The following MNAT1 variants were observed in gnomAD, a reference collection of about 807,000 sequenced individuals.
MNAT1 encodes the protein MNAT1 component of CDK activating kinase, also known as CDK-activating kinase assembly factor MAT1.
MNAT1 carries 43 observed loss-of-function variants against 42.0 expected under a neutral mutation model. The observed-to-expected ratio is 1.02, with a 90% CI of 0.80 to 1.32. The LOEUF (loss-of-function observed/expected upper bound fraction) is 1.32. Among genes scored for constraint, MNAT1 ranks in the 40% most tolerant of loss-of-function variants. The pLI is 0.00. For missense variants in MNAT1, 306 were observed against 350.4 expected (o/e 0.87, Z 1.01); for synonymous variants, 118 against 120.0 (o/e 0.98, Z 0.11).
At chr14:60,912,183 C>T (rs2035386549) in intron 7 of MNAT1, among the ~76,000 whole-genome samples, 1 of 152,128 alleles carries the variant, frequency 6.6e-6, no homozygotes, top group South Asian at 2.1e-4. Context: ...GGTAGATCTT[C>T]CTCCATCCCT....
chr14:60,910,644 T>G (rs1594861067), intron 7 of MNAT1, among the ~76,000 whole-genome samples: 1 of 152,268 alleles, frequency 6.6e-6, no homozygotes, highest in South Asian at 2.1e-4. Flanking sequence ...TTTGTGTATG[T>G]TGAACCAGCC....
intron 7 of MNAT1, among the ~76,000 whole-genome samples, chr14:60,918,462 C>G (rs2035580438): frequency 6.6e-6 from 1 of 151,180 alleles, no homozygotes; most frequent in Non-Finnish European, 1.5e-5. Flanking sequence ...CCCACCTCGG[C>G]CTCCCAAAGT....
chr14:60,781,946 A>T (rs2031475911), intron 1 of MNAT1, among the ~76,000 whole-genome samples: 1 of 134,820 alleles, frequency 7.4e-6, no homozygotes, highest in Non-Finnish European at 1.6e-5. Context: ...GTATGCATGG[A>T]TTTTGTTTGT....
chr14:60,765,206 G>A (rs905455747), intron 1 of MNAT1, among the ~76,000 whole-genome samples: 12 of 152,088 alleles, frequency 7.9e-5, no homozygotes, highest in East Asian at 1.9e-4. Context: ...AGCCAAGATC[G>A]TGCCACTGCA....
chr14:60,939,458 C>T (rs1455906198), intron 7 of MNAT1, among the ~76,000 whole-genome samples: 2 of 152,162 alleles, frequency 1.3e-5, no homozygotes, highest in Non-Finnish European at 2.9e-5. Flanking sequence ...TTTCAAAGAA[C>T]ATCTTAATTT....
intron 7 of MNAT1, among the ~76,000 whole-genome samples, chr14:60,937,251 T>C (rs2036017999): frequency 6.6e-6 from 1 of 152,234 alleles, no homozygotes; most frequent in Admixed American, 6.5e-5. Flanking sequence ...TTTGTCAATT[T>C]TGGCTTTTGT....
chr14:60,781,342 A>T (rs2031453690), intron 1 of MNAT1, among the ~76,000 whole-genome samples: 1 of 152,172 alleles, frequency 6.6e-6, no homozygotes, highest in Non-Finnish European at 1.5e-5. Context: ...CTATAGCATC[A>T]TTTATTGATT....
intron 7 of MNAT1, among the ~76,000 whole-genome samples, chr14:60,943,657 A>C (rs1450115408): frequency 6.6e-6 from 1 of 152,124 alleles, no homozygotes; most frequent in African/African-American, 2.4e-5. Context: ...CAGAGACATA[A>C]AATTATCCAA....
At chr14:60,874,809 T>A (rs1353063974) in intron 6 of MNAT1, among the ~76,000 whole-genome samples, 2 of 152,170 alleles carry the variant, frequency 1.3e-5, no homozygotes, top group African/African-American at 4.8e-5. Flanking sequence ...AAAAAACTTT[T>A]AAACACCCTT....
At chr14:60,845,588 A>AT (rs1476632973) in intron 6 of MNAT1, among the ~76,000 whole-genome samples, 1 of 152,030 alleles carries the variant, frequency 6.6e-6, no homozygotes, top group African/African-American at 2.4e-5. Context: ...TGATTTAATA[A>AT]TTTTTTAGTA....
At chr14:60,827,776 A>T (rs1363381216) in intron 6 of MNAT1, among the ~76,000 whole-genome samples, 1 of 152,220 alleles carries the variant, frequency 6.6e-6, no homozygotes, top group African/African-American at 2.4e-5. Context: ...AAATCAAATT[A>T]ATAATAGTCT....
intron 1 of MNAT1, among the ~76,000 whole-genome samples, chr14:60,771,172 GT>G (rs1263011447): frequency 2.6e-5 from 4 of 151,850 alleles, no homozygotes; most frequent in Non-Finnish European, 4.4e-5. Context: ...AGTATGGAGG[GT>G]TTTTTTGTTT....
At chr14:60,940,343 T>G (rs374901344) in intron 7 of MNAT1, among the ~76,000 whole-genome samples, 2 of 152,264 alleles carry the variant, frequency 1.3e-5, no homozygotes, top group Non-Finnish European at 2.9e-5. Context: ...GTCTTTACAA[T>G]TTGGCATGTT....
intron 6 of MNAT1, among the ~76,000 whole-genome samples, chr14:60,836,515 A>T (rs2033393451): frequency 6.6e-6 from 1 of 151,908 alleles, no homozygotes; most frequent in Non-Finnish European, 1.5e-5. Context: ...GGTCTGCTGG[A>T]GTTTGTTGGA....
chr14:60,910,918 C>T (rs923596419), intron 7 of MNAT1, among the ~76,000 whole-genome samples: 3 of 152,144 alleles, frequency 2.0e-5, no homozygotes, highest in Admixed American at 6.5e-5. Flanking sequence ...CCTCCTTGTA[C>T]CTCTGGTAAA....
chr14:60,926,029 G>T (rs1035509498), intron 7 of MNAT1, among the ~76,000 whole-genome samples: 8 of 152,270 alleles, frequency 5.3e-5, no homozygotes, highest in African/African-American at 1.7e-4. Flanking sequence ...ATTCAGTCAT[G>T]ATTGTGGACT....
At chr14:60,858,849 CTG>C (rs2034026602) in intron 6 of MNAT1, among the ~76,000 whole-genome samples, 1 of 152,146 alleles carries the variant, frequency 6.6e-6, no homozygotes, top group Admixed American at 6.5e-5. Flanking sequence ...GATATGTGCA[CTG>C]TGTTTTAGAC....
chr14:60,925,286 G>A (rs1487455880), intron 7 of MNAT1, among the ~76,000 whole-genome samples: 1 of 152,136 alleles, frequency 6.6e-6, no homozygotes, highest in Non-Finnish European at 1.5e-5. Context: ...GAGAAGATAT[G>A]CACAGGTTAT....
intron 7 of MNAT1, among the ~76,000 whole-genome samples, chr14:60,937,791 A>G (rs1251839968): frequency 6.6e-6 from 1 of 151,922 alleles, no homozygotes; most frequent in Non-Finnish European, 1.5e-5. Flanking sequence ...CTTGATGGGG[A>G]TGGCATTGAA....
Sources: gnomAD v4.1 joint callset for allele counts (sites outside exome capture counted in the v4.1 genomes callset) on GRCh38, gnomAD v4.1.1 for gene constraint, MANE v1.5 for transcripts, NCBI Gene and HGNC (gene_info 2026-07-23, HGNC 2026-07-21) for gene names.